The following GREB1 variants were observed in gnomAD, a reference collection of about 807,000 sequenced individuals.
GREB1 encodes growth regulating estrogen receptor binding 1.
Under a neutral mutation model 200.7 loss-of-function variants are expected in GREB1, and 106 were observed. The observed-to-expected ratio is 0.53, with a 90% CI of 0.45 to 0.62. The LOEUF (loss-of-function observed/expected upper bound fraction) is 0.62, where lower values mean the gene tolerates loss of function less well. Ranked by LOEUF, GREB1 falls within the 20% of genes least tolerant of loss-of-function variation. The pLI, the probability that GREB1 is intolerant of heterozygous loss-of-function variation, is 0.00. For missense variants in GREB1, 2,243 were observed against 2,556.8 expected (o/e 0.88, Z 2.65); for synonymous variants, 1,132 against 1,092.4 (o/e 1.04, Z -0.72).
intron 19 of GREB1, among the ~76,000 whole-genome samples, chr2:11,614,299 G>C (rs1208423090): frequency 2.0e-5 from 3 of 151,618 alleles, no homozygotes; most frequent in Non-Finnish European, 2.9e-5. Flanking sequence ...GCTAATTTTT[G>C]TATTTTTAGT....
intron 1 of GREB1, among the ~76,000 whole-genome samples, chr2:11,514,596 AGAACTGGAAT>A (rs1234068597): frequency 1.2e-4 from 19 of 152,368 alleles, no homozygotes; most frequent in Non-Finnish European, 8.8e-5. Flanking sequence ...TTAGAGGGAA[AGAACTGGAAT>A]GAACTTTGGA....
chr2:11,555,609 G>C (rs73191484), intron 1 of GREB1, among the ~76,000 whole-genome samples: 2 of 152,122 alleles, frequency 1.3e-5, no homozygotes, highest in Non-Finnish European at 2.9e-5. Context: ...TTGTGCTAAC[G>C]TTAGATAGAA....
rs1230363511 is a variant in GREB1, at chr2:11,597,804, A to G, written c.1978A>G (p.Ile660Val). The G allele has an allele frequency of 3.1e-6, 5 of 1,614,066 alleles. No individual in the cohort carries two copies. Among genetic ancestry groups the G allele is most frequent in the Middle Eastern group, 1.6e-4 (1 of 6,080 alleles). The change falls in exon 14 of 33, where the codon ATC (isoleucine) becomes GTC (valine). Residue 660 changes from isoleucine (I) to valine (V), a missense_variant. Transcript: ENST00000381486. The surrounding 1 kb of genome is among the most constrained non-coding windows in gnomAD (Gnocchi z 4.1). ...CTSYNLEPHS[I>V]RPFQLAVAQK... Reference sequence around the variant, plus strand: ...AGGTTACAATCTGGAGCCACACAGCATCCGGCCCTTCCAGCTGGCAGTAGC... The same window carrying G: ...AGGTTACAATCTGGAGCCACACAGCGTCCGGCCCTTCCAGCTGGCAGTAGC...
In GREB1 at chr2:11,555,736, G is replaced by A. The variant is rs572032400; in HGVS notation, c.-161-718G>A. Among the ~76,000 whole-genome samples the A allele has an allele frequency of 4.6e-5, 7 of 152,294 alleles. No individual in the cohort carries two copies. In the South Asian group the frequency reaches 1.5e-3, roughly 32 times the overall value. On this transcript the variant is annotated intron_variant, in intron 1 of 32. Coordinates refer to ENST00000381486, the MANE Select transcript of GREB1 (RefSeq NM_014668.4). Reference sequence around the variant, plus strand: ...TTGCCTCCAGCTGGAGGGGTTGGAGGGTTGCAGAGTGATAGGTCTGGGGTT... The same window carrying A: ...TTGCCTCCAGCTGGAGGGGTTGGAGAGTTGCAGAGTGATAGGTCTGGGGTT...
intron 10 of GREB1, chr2:11,591,648 T>G (rs2358040): frequency 0.53 from 305,099 of 570,516 alleles, 85,142 homozygotes; most frequent in African/African-American, 0.85. Context: ...TGGGAAGCAA[T>G]CTGATGATAT....
Position 11,618,896 on chromosome 2 carries a change from C to G in GREB1, c.4021C>G (p.Leu1341Val). 1 of 1,543,858 alleles carries G rather than the reference C, an allele frequency of 6.5e-7. No homozygotes were observed. The highest frequency in any genetic ancestry group is 8.7e-7 in the Non-Finnish European group (1 of 1,149,910). ...CGTGGACGGCTTCCACCCCCGCAGG[C>G]TGCTGCTCAGCGGCCCCCCTCAGGT... ...GRVDGFHPRRLLLSGPPQIGK... is the reference protein window; with the variant it reads ...GRVDGFHPRRVLLSGPPQIGK... Residue 1341 changes from leucine to valine, a missense_variant, in exon 22 of 33, where the codon CTG becomes GTG. Leu to Val is a conservative substitution (Grantham distance 32). Transcript: ENST00000381486.
At chr2:11,625,367 A>T (rs759560638) in intron 24 of GREB1, 55 bp downstream of exon 24, 9 of 1,545,704 alleles carry the variant, frequency 5.8e-6, no homozygotes, top group Non-Finnish European at 7.1e-6. Flanking sequence ...ACAGCCTCTT[A>T]AAGGGATGAG....
chr2:11,562,915 C>G (rs1173631628), intron 3 of GREB1: 1 of 203,100 alleles, frequency 4.9e-6, no homozygotes, highest in Admixed American at 5.6e-5. Flanking sequence ...ATTTTCCCTA[C>G]TCAGGCCTGT....
At chr2:11,553,692 G>A (rs556654658) in intron 1 of GREB1, among the ~76,000 whole-genome samples, 9 of 152,182 alleles carry the variant, frequency 5.9e-5, no homozygotes, top group African/African-American at 2.2e-4. Flanking sequence ...AGTAGGGAGT[G>A]TGCCCAGTGT....
rs1004381927 is a variant in GREB1 at position 11,534,198 on chromosome 2, A to G, written c.-218A>G. 1 of 152,248 alleles carries G rather than the reference A, an allele frequency of 6.6e-6. No individual in the cohort carries two copies. Among genetic ancestry groups the G allele is most frequent in the Non-Finnish European group, 1.5e-5 (1 of 68,046 alleles). 9.4% of individuals were successfully genotyped at this position (152,248 alleles called of 1,614,324 possible). Reference sequence around the variant, plus strand: ...AGGACAGAGACCTGGAGCCCTATGGAAAGTTCTGACACCATGTGTGGAAGG... The same window carrying G: ...AGGACAGAGACCTGGAGCCCTATGGGAAGTTCTGACACCATGTGTGGAAGG... On this transcript the variant is annotated 5_prime_UTR_variant, in exon 1 of 33. Coordinates refer to ENST00000381486, the MANE Select transcript of GREB1 (RefSeq NM_014668.4).
intron 30 of GREB1, among the ~76,000 whole-genome samples, chr2:11,637,262 T>C (rs1459111642): frequency 2.0e-5 from 3 of 151,500 alleles, no homozygotes; most frequent in Non-Finnish European, 4.4e-5. Flanking sequence ...AGGGAAGCAG[T>C]GAGAGTCTGA....
In GREB1 at chr2:11,621,012, G is replaced by C; in HGVS notation, c.4147+5G>C. 6.4e-7 allele frequency: 1 copy of C among 1,553,720 alleles called. No individual in the cohort carries two copies. Among genetic ancestry groups the C allele is most frequent in the Non-Finnish European group, 8.9e-7 (1 of 1,124,750 alleles). ...ACGAGGAGGAGATCAATATCAGTGA[G>C]TTATCTGTTTGGGGTTATGTGGGCT... is the stretch of plus-strand genomic sequence containing the variant. On this transcript the variant is annotated splice_donor_5th_base_variant and intron_variant, in intron 23 of 32. Coordinates refer to ENST00000381486, the MANE Select transcript of GREB1 (RefSeq NM_014668.4).
At chr2:11,496,347 T>TTA (rs1020991806) in intron 1 of GREB1, among the ~76,000 whole-genome samples, 41 of 152,144 alleles carry the variant, frequency 2.7e-4, no homozygotes, top group African/African-American at 8.4e-4. Flanking sequence ...CCCTCTCGGT[T>TTA]TATATTTGTC....
In GREB1 at chr2:11,571,750, T is replaced by G. The variant is rs1678316539; in HGVS notation, c.455-4603T>G. 2.0e-5 allele frequency among the ~76,000 whole-genome samples: 3 copies of G among 152,126 alleles called. No homozygotes were observed. In the South Asian group the frequency reaches 6.2e-4, roughly 32 times the overall value. On this transcript the variant is annotated intron_variant, in intron 4 of 32. Transcript: ENST00000381486. Reference sequence around the variant, plus strand: ...TTTTGAGACGGAGTCTCGCTCTGTCTCCCAGGCTGGAGTGCAGTGGCGCGA... The same window carrying G: ...TTTTGAGACGGAGTCTCGCTCTGTCGCCCAGGCTGGAGTGCAGTGGCGCGA...
intron 1 of GREB1, among the ~76,000 whole-genome samples, chr2:11,555,982 C>A (rs550962401): frequency 2.0e-5 from 3 of 152,120 alleles, no homozygotes; most frequent in Non-Finnish European, 2.9e-5. Context: ...TGATTTTCCT[C>A]GTTTTCCCAC....
At chr2:11,517,581 T>A (rs1042205114) in intron 1 of GREB1, 2 of 152,038 alleles carry the variant, frequency 1.3e-5, no homozygotes, top group African/African-American at 4.8e-5. Context: ...GGCTATGAGG[T>A]GTGGGAGCCA....
chr2:11,640,237 C>T lies in GREB1; in HGVS notation c.5687-54C>T, dbSNP rs919339422. 1.3e-6 allele frequency: 2 copies of T among 1,553,464 alleles called. No individual in the cohort carries two copies. Among genetic ancestry groups the T allele is most frequent in the African/African-American group, 1.4e-5 (1 of 72,686 alleles). ...CAAGTAGAATCCGGGCAGCCGCTTTCCTCTGGATAAACTCACCTTTTCCCT... is the reference window on the plus strand; with the variant it reads ...CAAGTAGAATCCGGGCAGCCGCTTTTCTCTGGATAAACTCACCTTTTCCCT... On this transcript the variant is annotated intron_variant, in intron 32 of 32. Transcript: ENST00000381486. This position sits in a 1 kb window ranked among gnomAD's most constrained non-coding sequence, Gnocchi z 4.6.
chr2:11,562,386 GC>G, intron 2 of GREB1, 76 bp from the exon 3 acceptor site: 1 of 1,573,884 alleles, frequency 6.4e-7, no homozygotes, highest in Non-Finnish European at 8.6e-7. Context: ...GAGAATGCAG[GC>G]AGAGGAAAGG....
intron 1 of GREB1, among the ~76,000 whole-genome samples, chr2:11,524,837 G>T (rs1433128526): frequency 6.6e-6 from 1 of 152,170 alleles, no homozygotes; most frequent in African/African-American, 2.4e-5. Context: ...TGATTTCCTA[G>T]GGTCTTTTGG....
Sources: allele counts gnomAD v4.1 joint callset (sites outside exome capture counted in the v4.1 genomes callset), GRCh38; gene constraint gnomAD v4.1.1; non-coding constraint Gnocchi (gnomAD v3.1); transcripts MANE v1.5; gene names NCBI Gene and HGNC (gene_info 2026-07-23, HGNC 2026-07-21).